Variants in PKD1 observed in about 807,000 individuals in gnomAD.
PKD1 encodes polycystin 1, transient receptor potential channel interacting.
In PKD1, 81 loss-of-function variants were observed where a neutral mutation model predicts 361.7. The observed-to-expected ratio is 0.22, with a 90% CI of 0.19 to 0.27. The LOEUF (loss-of-function observed/expected upper bound fraction) is 0.27. PKD1 is among the 10% of genes least tolerant of loss of function. The pLI is 1.00. For missense variants in PKD1, 6,399 were observed against 6,118.3 expected (o/e 1.05, Z -1.53); for synonymous variants, 3,615 against 2,818.3 (o/e 1.28, Z -8.95).
chr16:2,114,230 G>A lies in PKD1; in HGVS notation c.2793C>T (p.Pro931=). Residue 931 remains proline, a synonymous_variant, in exon 11 of 46, where the codon CCC becomes CCT. Transcript: ENST00000262304. The stretch of plus-strand genomic sequence containing the variant: ...TGGGCGTGGCGCGGAGGCCACAGAT[G>A]GGCTCCTCCGCCGTCACCCGCAGGC... ...NLSLRVTAEE[P]ICGLRATPSP... 1.2e-6 allele frequency: 2 copies of A among 1,609,826 alleles called. No homozygotes were observed. Among genetic ancestry groups the A allele is most frequent in the Non-Finnish European group, 1.7e-6 (2 of 1,179,272 alleles).
rs1431066682 is a variant in PKD1 at position 2,093,858 on chromosome 16, T to C, written c.10774A>G (p.Ser3592Gly). ...PGVSVAWLLSSSASFLASFLG... is the reference protein window; with the variant it reads ...PGVSVAWLLSGSASFLASFLG... ...AATGAGGCCAGGAAGCTGGCGCTGC[T>C]GGACAGGAGCCACGCAACACTCACG... Residue 3592 changes from serine (S) to glycine (G), a missense_variant, in exon 36 of 46, where the codon AGC (serine) becomes GGC (glycine). By Grantham distance (56) the Ser-to-Gly change is moderately conservative. Coordinates refer to ENST00000262304, the MANE Select transcript of PKD1 (RefSeq NM_001009944.3). 4 of 1,568,740 alleles carry C rather than the reference T, an allele frequency of 2.5e-6. No homozygotes were observed. Among genetic ancestry groups the C allele is most frequent in the Non-Finnish European group, 3.4e-6 (4 of 1,163,164 alleles).
chr16:2,094,626 A>G (rs2091766173), intron 34 of PKD1: 1 of 264,660 alleles, frequency 3.8e-6, no homozygotes, highest in South Asian at 4.4e-5. Context: ...TTTATGGCCT[A>G]AAATTAACTT....
Position 2,114,324 on chromosome 16 carries a change from G to A in PKD1, c.2699C>T (p.Pro900Leu), listed in dbSNP as rs756619253. 38 of 1,610,374 alleles carry A rather than the reference G, an allele frequency of 2.4e-5. No homozygotes were observed. Among genetic ancestry groups the A allele is most frequent in the Non-Finnish European group, 2.7e-5 (32 of 1,179,672 alleles). The change falls in exon 11 of 46, where the codon CCG becomes CTG. Residue 900 changes from proline to leucine, a missense_variant. By Grantham distance (98) the Pro-to-Leu change is moderately conservative. Transcript: ENST00000262304. ...CACGTGCTCCCCCTCACTGAGCCAC[G>A]GCAGTGCTACCACTGAGAACAGGGT... ...NDTLFSVVAL[P>L]WLSEGEHVVD...
rs1319097191 is a variant in PKD1, at chr16:2,090,774, G to C, written c.12038C>G (p.Ser4013Cys). Residue 4013 changes from serine to cysteine, a missense_variant, in exon 44 of 46, where the codon TCC becomes TGC. By Grantham distance (112) the Ser-to-Cys change is moderately radical (BLOSUM62 -1). Transcript: ENST00000262304. Reference sequence around the variant, plus strand: ...TCGGCATAATGTCTTGCCAAAGACGGACCACTGGCGCACGAAGCGTAGCTG... The same window carrying C: ...TCGGCATAATGTCTTGCCAAAGACGCACCACTGGCGCACGAAGCGTAGCTG... ...AQQLRFVRQW[S>C]VFGKTLCRAL... is the part of the protein sequence containing the mutation. 9 of 1,612,478 alleles carry C rather than the reference G, an allele frequency of 5.6e-6. No homozygotes were observed. Among genetic ancestry groups the C allele is most frequent in the South Asian group, 1.1e-5 (1 of 91,090 alleles).
chr16:2,093,180 G>T, intron 37 of PKD1, 87 bp from the exon 38 acceptor site: 3 of 1,511,650 alleles, frequency 2.0e-6, no homozygotes, highest in Non-Finnish European at 1.8e-6. Context: ...CATGGCTGCG[G>T]CAGGTGTGGC....
Position 2,103,681 on chromosome 16 carries a change from G to A in PKD1, c.8376C>T (p.Ser2792=), listed in dbSNP as rs758402723. ...VAQGKRSDPR[S]LLCYGGAPGP... Reference sequence around the variant, plus strand: ...CTGGGGCGCCGCCATAGCACAGCAGGCTCCGCGGGTCCGAGCGCTTGCCCT... The same window carrying A: ...CTGGGGCGCCGCCATAGCACAGCAGACTCCGCGGGTCCGAGCGCTTGCCCT... Residue 2792 remains serine (S), a synonymous_variant, in exon 23 of 46, where the codon AGC becomes AGT. Transcript: ENST00000262304. The A allele has an allele frequency of 1.9e-6, 3 of 1,610,042 alleles. No homozygotes were observed. Among genetic ancestry groups the A allele is most frequent in the Non-Finnish European group, 2.5e-6 (3 of 1,179,576 alleles).
rs776573832 is a variant in PKD1, at chr16:2,097,849, C to A, written c.10167+19G>T. On this transcript the variant is annotated intron_variant, in intron 31 of 45. Coordinates refer to ENST00000262304, the MANE Select transcript of PKD1 (RefSeq NM_001009944.3). ...GCAGGACCCCCAGCCCAGCCCAGGA[C>A]CCCCAGTAGAGTCCTCACCTCAGCG... 5 of 1,607,402 alleles carry A rather than the reference C, an allele frequency of 3.1e-6. No individual in the cohort carries two copies. Among genetic ancestry groups the A allele is most frequent in the Non-Finnish European group, 4.3e-6 (5 of 1,176,414 alleles).
At chr16:2,098,422 C>A (rs981610164) in intron 30 of PKD1, among the ~76,000 whole-genome samples, 15 of 150,194 alleles carry the variant, frequency 1.0e-4, no homozygotes, top group African/African-American at 3.0e-4. Flanking sequence ...GTTGGCCAGG[C>A]TGGTCTTGGA....
intron 26 of PKD1, among the ~76,000 whole-genome samples, chr16:2,101,269 C>G (rs1180829418): frequency 6.6e-6 from 1 of 152,108 alleles, no homozygotes; most frequent in African/African-American, 2.4e-5. Flanking sequence ...CAGGTGTGAG[C>G]CACCGCGCCC....
rs1308489558 is a variant in PKD1, at chr16:2,089,779, G to A, written c.12860C>T (p.Pro4287Leu). 5 of 1,597,866 alleles carry A rather than the reference G, an allele frequency of 3.1e-6. No individual in the cohort carries two copies. The African/African-American group carries it at 4.0e-5, about 13-fold the overall frequency. The stretch of plus-strand genomic sequence containing the variant: ...CTTGGCCCGAAGGGGTGTCCTGCTG[G>A]GGCCAGTGGCCAGGTCCACACCCCG... ...ASRGVDLATG[P>L]SRTPLRAKNK... The change falls in exon 46 of 46, where the codon CCC (proline) becomes CTC (leucine). Residue 4287 changes from proline (P) to leucine (L), a missense_variant. By Grantham distance (98) the Pro-to-Leu change is moderately conservative. Coordinates refer to ENST00000262304, the MANE Select transcript of PKD1 (RefSeq NM_001009944.3).
At position 2,109,398 on chromosome 16, in the gene PKD1, G is replaced by A. The variant is rs374537760; in HGVS notation, c.5769C>T (p.Val1923=). ...GGAGCACCTCGGGGTTGGCCCCGCC[G>A]ACCTGCAGGCGGAAGGTGACAGCTG... is the stretch of plus-strand genomic sequence containing the variant. The part of the protein sequence containing the change: ...AGSAVTFRLQ[V]GGANPEVLPG... Residue 1923 remains valine, a synonymous_variant, in exon 15 of 46, where the codon GTC becomes GTT. Coordinates refer to ENST00000262304, the MANE Select transcript of PKD1 (RefSeq NM_001009944.3). The A allele has an allele frequency of 8.6e-5, 137 of 1,598,922 alleles. No individual in the cohort carries two copies. Among genetic ancestry groups the A allele is most frequent in the Non-Finnish European group, 1.1e-4 (130 of 1,177,862 alleles).
rs150399422 is a variant in PKD1, at chr16:2,098,009, C to T, written c.10051-25G>A. The T allele has an allele frequency of 0.013, 17,891 of 1,372,462 alleles. 165 individuals carry two copies. The highest frequency in any genetic ancestry group is 0.049 in the East Asian group (2,150 of 43,678). The allele number at this position is 1,372,462 out of a possible 1,614,324, so 85.0% of individuals were successfully genotyped here. A position where few individuals can be genotyped will look rare whatever the true frequency, so the allele number is the denominator to read the frequency against. On this transcript the variant is annotated intron_variant, in intron 30 of 45. Coordinates refer to ENST00000262304, the MANE Select transcript of PKD1 (RefSeq NM_001009944.3). ...CCTGCAGGACGAGGGCAGTGGTCAG[C>T]GGGCGGCAGCTCAGACCTGCTCAGG... is the stretch of plus-strand genomic sequence containing the variant.
rs1256271669 is a variant in PKD1, at chr16:2,114,205, T to C, written c.2818A>G (p.Ser940Gly). The C allele has an allele frequency of 6.2e-7, 1 of 1,609,460 alleles. No individual in the cohort carries two copies. Among genetic ancestry groups the C allele is most frequent in the Admixed American group, 1.7e-5 (1 of 59,994 alleles). The change falls in exon 11 of 46, where the codon AGC becomes GGC. Residue 940 changes from serine (S) to glycine (G), a missense_variant. Ser to Gly is a moderately conservative substitution (Grantham distance 56). Transcript: ENST00000262304. The stretch of plus-strand genomic sequence containing the variant: ...CCCTGCAGTACACGGGCCTCGGGGC[T>C]GGGCGTGGCGCGGAGGCCACAGATG... ...EPICGLRATP[S>G]PEARVLQGVL...
Position 2,108,615 on chromosome 16 carries a change from C to T in PKD1, c.6552G>A (p.Glu2184=), listed in dbSNP as rs1405592215. Residue 2184 remains glutamate, a synonymous_variant, in exon 15 of 46, where the codon GAG becomes GAA. Transcript: ENST00000262304. ...DLRDCVTYQT[E]YRWEVYRTAS... is the part of the protein sequence containing the mutation. ...CGGTGCGATACACCTCCCAGCGGTACTCAGTCTGGTAGGTGACGCAGTCGC... is the reference window on the plus strand; with the variant it reads ...CGGTGCGATACACCTCCCAGCGGTATTCAGTCTGGTAGGTGACGCAGTCGC... 4 of 1,559,356 alleles carry T rather than the reference C, an allele frequency of 2.6e-6. No individual in the cohort carries two copies. The South Asian group carries it at 3.5e-5, about 14-fold the overall frequency.
rs150993895 is a variant in PKD1 at position 2,108,708 on chromosome 16, C to T, written c.6459G>A (p.Val2153=). ...VLACREPEVD[V]VLPLQVLMRR... ...GCATCAGCACCTGCAGGGGCAGGAC[C>T]ACGTCCACCTCCGGCTCCCGGCAGG... Residue 2153 remains valine (V), a synonymous_variant, in exon 15 of 46, where the codon GTG becomes GTA. Transcript: ENST00000262304. The T allele has an allele frequency of 2.2e-5, 34 of 1,570,562 alleles. No individual in the cohort carries two copies. The African/African-American group carries it at 3.6e-4, about 17-fold the overall frequency.
rs1311499829 is a variant in PKD1, at chr16:2,106,960, G to A, written c.7066-12C>T. The A allele has an allele frequency of 6.3e-7, 1 of 1,583,898 alleles. No individual in the cohort carries two copies. The highest frequency in any genetic ancestry group is 1.1e-5 in the South Asian group (1 of 90,800). ...CTCCGGATCAGCACCTGGCGTGGGA[G>A]TGGGGTTACCTCCAACACAGGTCTA... On this transcript the variant is annotated splice_polypyrimidine_tract_variant and intron_variant, in intron 16 of 45. Transcript: ENST00000262304. This position sits in a 1 kb window ranked among gnomAD's most constrained non-coding sequence, Gnocchi z 6.5.
In PKD1 at chr16:2,115,449, G is replaced by A. The variant is rs774953031; in HGVS notation, c.2026C>T (p.Pro676Ser). Residue 676 changes from proline to serine, a missense_variant, in exon 10 of 46, where the codon CCC becomes TCC. Pro to Ser is a moderately conservative substitution (Grantham distance 74, BLOSUM62 -1). Transcript: ENST00000262304. Reference protein sequence around the residue: ...ANGCTSGPGLPGAPYALWREF... With the variant: ...ANGCTSGPGLSGAPYALWREF... ...CTCCATAGCGCATAGGGGGCCCCGG[G>A]TAGCCCTGGCCCTGACGTGCAGCCA... 4.4e-6 allele frequency: 7 copies of A among 1,598,770 alleles called. No homozygotes were observed. Among genetic ancestry groups the A allele is most frequent in the South Asian group, 3.4e-5 (3 of 89,074 alleles).
chr16:2,109,439 G>A lies in PKD1; in HGVS notation c.5728C>T (p.Leu1910=), dbSNP rs563687822. 3.1e-6 allele frequency: 5 copies of A among 1,605,722 alleles called. No individual in the cohort carries two copies. Among genetic ancestry groups the A allele is most frequent in the African/African-American group, 1.3e-5 (1 of 74,870 alleles). The change falls in exon 15 of 46, where the codon CTG becomes TTG. Residue 1910 remains leucine (L), a synonymous_variant. Coordinates refer to ENST00000262304, the MANE Select transcript of PKD1 (RefSeq NM_001009944.3). ...GTGACAGCTGAGCCGGCAGCCAGCA[G>A]GATCTGAAAATGGACCAGCTGCCCG... The part of the protein sequence containing the change: ...APGQLVHFQI[L]LAAGSAVTFR...
chr16:2,091,280 G>T lies in PKD1; in HGVS notation c.11713-106C>A, dbSNP rs1446887347. ...GGGCCCTACGAGGGGGCGGGACGCT[G>T]CCGGGGCGGGGCCCTGCGAGGGGGC... On this transcript the variant is annotated intron_variant, in intron 42 of 45. Coordinates refer to ENST00000262304, the MANE Select transcript of PKD1 (RefSeq NM_001009944.3). 9.8e-6 allele frequency: 4 copies of T among 406,202 alleles called. No individual in the cohort carries two copies. The East Asian group carries it at 1.9e-4, about 19-fold the overall frequency. 25.2% of individuals were successfully genotyped at this position (406,202 alleles called of 1,614,324 possible). A position where few individuals can be genotyped will look rare whatever the true frequency, so the allele number is the denominator to read the frequency against.
Sources: allele counts gnomAD v4.1 joint callset (sites outside exome capture counted in the v4.1 genomes callset), GRCh38; gene constraint gnomAD v4.1.1; non-coding constraint Gnocchi (gnomAD v3.1); transcripts MANE v1.5; gene names NCBI Gene and HGNC (gene_info 2026-07-23, HGNC 2026-07-21).